Variants in C19orf81 observed in about 807,000 individuals in gnomAD.
The protein encoded by C19orf81 is chromosome 19 open reading frame 81.
In C19orf81, 19 loss-of-function variants were observed where a neutral mutation model predicts 22.1. The ratio of observed to expected loss-of-function variants is 0.86; its 90% CI spans 0.60 to 1.26. The LOEUF (loss-of-function observed/expected upper bound fraction) is 1.26. C19orf81 is among the 50% of genes most tolerant of loss of function. The pLI, the probability that C19orf81 is intolerant of heterozygous loss-of-function variation, is 0.00. For missense variants in C19orf81, 287 were observed against 280.7 expected (o/e 1.02, Z -0.16); for synonymous variants, 108 against 113.1 (o/e 0.95, Z 0.29).
Position 50,656,061 on chromosome 19 carries a change from A to AT in C19orf81, c.80dup (p.Met27IlefsTer94). 6.5e-7 allele frequency: 1 copy of AT among 1,536,100 alleles called. No homozygotes were observed. Among genetic ancestry groups the AT allele is most frequent in the Non-Finnish European group, 8.7e-7 (1 of 1,146,892 alleles). ...TTCTCTGTCCTCAGGAGCCCTCCTT[A>AT]TGGACCTGGAGACCCCAGAGGAGAT... On this transcript the variant is annotated frameshift_variant, in exon 2 of 5. Coordinates refer to ENST00000425202, the MANE Select transcript of C19orf81 (RefSeq NM_001195076.2). LOFTEE classifies it high-confidence loss of function.
intron 1 of C19orf81, among the ~76,000 whole-genome samples, chr19:50,654,252 T>A (rs1054532531): frequency 2.6e-5 from 4 of 152,106 alleles, no homozygotes; most frequent in African/African-American, 7.2e-5. Flanking sequence ...CCTTGCTCCT[T>A]TCCTCTCTTT....
At position 50,659,271 on chromosome 19, in the gene C19orf81, TG is replaced by T; in HGVS notation, c.*130del. The T allele has an allele frequency of 1.4e-6, 1 of 705,372 alleles. No homozygotes were observed. The highest frequency in any genetic ancestry group is 2.0e-6 in the Non-Finnish European group (1 of 502,574). 43.7% of individuals were successfully genotyped at this position (705,372 alleles called of 1,614,324 possible). A position where few individuals can be genotyped will look rare whatever the true frequency, so the allele number is the denominator to read the frequency against. On this transcript the variant is annotated 3_prime_UTR_variant, in exon 5 of 5. Coordinates refer to ENST00000425202, the MANE Select transcript of C19orf81 (RefSeq NM_001195076.2). ...GGGGCCGGCTCGAGGGGGTGGATAC[TG>T]TGAGTTTAATTATAAAGAATGACCT...
At chr19:50,657,003 GGGAAA>G (rs757158525) in intron 3 of C19orf81, among the ~76,000 whole-genome samples, 32 of 148,170 alleles carry the variant, frequency 2.2e-4, no homozygotes, top group Admixed American at 1.2e-3. Context: ...AAGGGAGGGA[GGGAAA>G]GGAAAGGAAA....
chr19:50,659,148 G>T lies in C19orf81; in HGVS notation c.*6G>T, dbSNP rs936544902. The stretch of plus-strand genomic sequence containing the variant: ...AGCCGAACGAGGAGGCCTGACGCCC[G>T]GGCGGGCCCCGGCAGCGCTTGCGCA... On this transcript the variant is annotated 3_prime_UTR_variant, in exon 5 of 5. Coordinates refer to ENST00000425202, the MANE Select transcript of C19orf81 (RefSeq NM_001195076.2). 7.5e-7 allele frequency: 1 copy of T among 1,326,740 alleles called. No homozygotes were observed. Among genetic ancestry groups the T allele is most frequent in the Admixed American group, 3.9e-5 (1 of 25,392 alleles). 82.2% of individuals were successfully genotyped at this position (1,326,740 alleles called of 1,614,324 possible). A position where few individuals can be genotyped will look rare whatever the true frequency, so the allele number is the denominator to read the frequency against.
chr19:50,655,199 T>C (rs1253491459), intron 1 of C19orf81, among the ~76,000 whole-genome samples: 1 of 152,134 alleles, frequency 6.6e-6, no homozygotes, highest in African/African-American at 2.4e-5. Context: ...ACTCTAGGAT[T>C]GTAGGGGAAG....
At chr19:50,657,938 C>A in intron 3 of C19orf81, 51 bp from the exon 4 acceptor site, 1 of 1,482,966 alleles carries the variant, frequency 6.7e-7, no homozygotes, top group Non-Finnish European at 8.9e-7. Flanking sequence ...CTTCTGAACC[C>A]AAAATGAACC....
intron 1 of C19orf81, among the ~76,000 whole-genome samples, chr19:50,654,339 G>C (rs1984945013): frequency 6.6e-6 from 1 of 151,276 alleles, no homozygotes; most frequent in Admixed American, 6.6e-5. Context: ...GTCTCACTCT[G>C]TCGCCCAGGC....
Position 50,656,127 on chromosome 19 carries a change from G to A in C19orf81, c.140+5G>A. 1.3e-6 allele frequency: 2 copies of A among 1,536,166 alleles called. No homozygotes were observed. ...GGGCAGGCCCATCAAATCCTCGTGA[G>A]TTGTCCCTGGCCCCCATGACCTCTA... is the stretch of plus-strand genomic sequence containing the variant. On this transcript the variant is annotated splice_donor_5th_base_variant and intron_variant, in intron 2 of 4. Transcript: ENST00000425202.
chr19:50,655,764 T>C (rs761881908), intron 1 of C19orf81, among the ~76,000 whole-genome samples: 1 of 152,114 alleles, frequency 6.6e-6, no homozygotes, highest in African/African-American at 2.4e-5. Context: ...AAGGAGCAAG[T>C]TCCTCCTGCT....
intron 1 of C19orf81, among the ~76,000 whole-genome samples, chr19:50,653,466 C>G (rs1218113809): frequency 6.6e-6 from 1 of 151,898 alleles, no homozygotes; most frequent in African/African-American, 2.4e-5. Context: ...GCCGGTATGA[C>G]TGGAAGAAAA....
At chr19:50,650,607 G>A (rs759281431) in intron 1 of C19orf81, among the ~76,000 whole-genome samples, 3 of 152,098 alleles carry the variant, frequency 2.0e-5, no homozygotes, top group African/African-American at 4.8e-5. Flanking sequence ...GGAGGCAGAG[G>A]CTGCAGCGAG....
In C19orf81 at chr19:50,657,940, A is replaced by G. The variant is rs116088642; in HGVS notation, c.262-49A>G. ...TCTAGGGTGGTGACTTCTGAACCCA[A>G]AATGAACCAGGAGGCCACGGGCTGA... On this transcript the variant is annotated intron_variant, in intron 3 of 4. Transcript: ENST00000425202. 4.7e-6 allele frequency: 7 copies of G among 1,484,498 alleles called. No homozygotes were observed. The South Asian group carries it at 5.3e-5, about 11-fold the overall frequency. The allele number at this position is 1,484,498 out of a possible 1,614,324, so 92.0% of individuals were successfully genotyped here. A position where few individuals can be genotyped will look rare whatever the true frequency, so the allele number is the denominator to read the frequency against.
In C19orf81 at chr19:50,659,067, C is replaced by A. The variant is rs1300409644; in HGVS notation, c.522C>A (p.Arg174=). 1 of 1,527,368 alleles carries A rather than the reference C, an allele frequency of 6.5e-7. No individual in the cohort carries two copies. 94.6% of individuals were successfully genotyped at this position (1,527,368 alleles called of 1,614,324 possible). A position where few individuals can be genotyped will look rare whatever the true frequency, so the allele number is the denominator to read the frequency against. ...ACGACCTCCTGCTGGGCGACTACCG[C>A]CTGCACCTGCGCCGCTCCCTGGTCC... The part of the protein sequence containing the change: ...RHDDLLLGDY[R]LHLRRSLVRR... Residue 174 remains arginine (R), a synonymous_variant, in exon 5 of 5, where the codon CGC becomes CGA. Coordinates refer to ENST00000425202, the MANE Select transcript of C19orf81 (RefSeq NM_001195076.2).
intron 1 of C19orf81, among the ~76,000 whole-genome samples, chr19:50,652,174 A>G (rs992880083): frequency 6.6e-6 from 1 of 152,282 alleles, no homozygotes. Flanking sequence ...ATATCATCTC[A>G]TACCTAGTAC....
chr19:50,650,156 A>AT (rs1306549975), intron 1 of C19orf81, among the ~76,000 whole-genome samples: 1 of 152,098 alleles, frequency 6.6e-6, no homozygotes, highest in Non-Finnish European at 1.5e-5. Context: ...TCCCTTGCTC[A>AT]TAACACTTCC....
chr19:50,650,069 C>A (rs1227832941), intron 1 of C19orf81, among the ~76,000 whole-genome samples: 2 of 152,152 alleles, frequency 1.3e-5, no homozygotes, highest in Admixed American at 1.3e-4. Flanking sequence ...CCTCCCTGGT[C>A]CCCAGTTTCT....
intron 1 of C19orf81, among the ~76,000 whole-genome samples, chr19:50,653,055 G>A (rs1287958171): frequency 1.3e-5 from 2 of 151,932 alleles, no homozygotes; most frequent in Admixed American, 1.3e-4. Flanking sequence ...ATTTTATTTT[G>A]GCACTAGAGT....
At chr19:50,652,672 C>T (rs1984901873) in intron 1 of C19orf81, among the ~76,000 whole-genome samples, 1 of 152,098 alleles carries the variant, frequency 6.6e-6, no homozygotes, top group Non-Finnish European at 1.5e-5. Flanking sequence ...CACGTGTGGT[C>T]TTATGGTCAC....
At chr19:50,649,747 C>T (rs1217519828) in intron 1 of C19orf81, 1 of 642,702 alleles carries the variant, frequency 1.6e-6, no homozygotes, top group South Asian at 1.5e-5. Flanking sequence ...ACTACATTTC[C>T]CATGAGCCTC....
Sources: allele counts gnomAD v4.1 joint callset (sites outside exome capture counted in the v4.1 genomes callset), GRCh38; gene constraint gnomAD v4.1.1; transcripts MANE v1.5; gene names NCBI Gene and HGNC (gene_info 2026-07-23, HGNC 2026-07-21).